The following CCNJL variants were observed in gnomAD, a reference collection of about 807,000 sequenced individuals.
CCNJL encodes cyclin J like, also known as cyclin-J-like protein.
Under a neutral mutation model 33.4 loss-of-function variants are expected in CCNJL, and 33 were observed. The ratio of observed to expected loss-of-function variants is 0.99; its 90% confidence interval spans 0.75 to 1.32. CCNJL has a LOEUF of 1.32. CCNJL is among the 40% of genes most tolerant of loss of function. The pLI is 0.00. For missense variants in CCNJL, 512 were observed against 499.7 expected (o/e 1.02, Z -0.23); for synonymous variants, 227 against 220.9 (o/e 1.03, Z -0.24).
intron 1 of CCNJL, among the ~76,000 whole-genome samples, chr5:160,321,086 CT>C (rs1561812948): frequency 6.1e-4 from 69 of 113,816 alleles, no homozygotes; most frequent in African/African-American, 1.6e-3. Context: ...TTCTTTCTTT[CT>C]TTCCTTCTCT....
intron 2 of CCNJL, among the ~76,000 whole-genome samples, chr5:160,299,974 A>C (rs1437728856): frequency 6.6e-6 from 1 of 152,042 alleles, no homozygotes; most frequent in Admixed American, 6.6e-5. Context: ...ATGCCATTGA[A>C]GTTCTCTCCA....
upstream of CCNJL, among the ~76,000 whole-genome samples, chr5:160,317,862 C>A (rs1763396154): frequency 6.6e-6 from 1 of 152,204 alleles, no homozygotes; most frequent in East Asian, 1.9e-4. Flanking sequence ...AGGAAAAATT[C>A]TTTTTTCCTC....
At chr5:160,312,997 C>A (rs1271880619), upstream of CCNJL, 1 of 151,690 alleles carries the variant, frequency 6.6e-6, no homozygotes, top group African/African-American at 2.4e-5. Flanking sequence ...CCCGCCCTGC[C>A]ATGGGGAGGT....
At chr5:160,311,131 C>T (rs928906057) in intron 2 of CCNJL, among the ~76,000 whole-genome samples, 1 of 152,146 alleles carries the variant, frequency 6.6e-6, no homozygotes, top group Admixed American at 6.5e-5. Context: ...TCCACCTTCC[C>T]AATGCCCCTC....
chr5:160,254,169 G>A (rs889663535), intron 5 of CCNJL: 1 of 483,180 alleles, frequency 2.1e-6, no homozygotes, highest in Non-Finnish European at 3.6e-6. Flanking sequence ...GCTCACCAAT[G>A]CCTTCCCATC....
rs553816630 is a variant in CCNJL at position 160,253,261 on chromosome 5, C to T, written c.*117G>A. Reference sequence around the variant, plus strand: ...ATTTAAAAGGAGCACAGACCCTCCACGTTCCAAGGCTCTTCAGGGATGGCC... The same window carrying T: ...ATTTAAAAGGAGCACAGACCCTCCATGTTCCAAGGCTCTTCAGGGATGGCC... On this transcript the variant is annotated 3_prime_UTR_variant, in exon 6 of 6. Coordinates refer to ENST00000257536, the MANE Select transcript of CCNJL (RefSeq NM_001308173.3). 1.1e-4 allele frequency: 103 copies of T among 966,362 alleles called. No homozygotes were observed. Among genetic ancestry groups the T allele is most frequent in the Non-Finnish European group, 1.3e-4 (90 of 667,518 alleles). The allele number at this position is 966,362 out of a possible 1,614,324, so 59.9% of individuals were successfully genotyped here.
At chr5:160,283,679 T>C (rs753267193) in intron 2 of CCNJL, among the ~76,000 whole-genome samples, 2 of 152,188 alleles carry the variant, frequency 1.3e-5, no homozygotes, top group African/African-American at 4.8e-5. Flanking sequence ...ATATTGATTA[T>C]ATTCACCCCG....
chr5:160,314,664 T>G (rs1054980413), upstream of CCNJL, among the ~76,000 whole-genome samples: 11 of 152,244 alleles, frequency 7.2e-5, no homozygotes, highest in Admixed American at 7.2e-4. Context: ...TGAGAAAATA[T>G]TTTTAACAAA....
At chr5:160,335,721 G>C (rs1763673053) in intron 1 of CCNJL, among the ~76,000 whole-genome samples, 1 of 150,816 alleles carries the variant, frequency 6.6e-6, no homozygotes, top group South Asian at 2.1e-4. Context: ...ATAGACAAAT[G>C]CCATCATGTC....
upstream of CCNJL, among the ~76,000 whole-genome samples, chr5:160,317,570 G>A (rs538257014): frequency 6.6e-6 from 1 of 152,258 alleles, no homozygotes; most frequent in African/African-American, 2.4e-5. Flanking sequence ...GTGGACCTGC[G>A]ATGCATGGAG....
chr5:160,253,377 C>T lies in CCNJL; in HGVS notation c.*1G>A, dbSNP rs1003780227. 1.9e-6 allele frequency: 3 copies of T among 1,569,900 alleles called. No individual in the cohort carries two copies. The highest frequency in any genetic ancestry group is 2.6e-6 in the Non-Finnish European group (3 of 1,154,542). ...GCTTCCTCGTGAGGTCTGGAGGTGG[C>T]CTATCTGTCAAAGCAGCCGGTGGGG... On this transcript the variant is annotated 3_prime_UTR_variant, in exon 6 of 6. Transcript: ENST00000257536.
intron 3 of CCNJL, among the ~76,000 whole-genome samples, chr5:160,278,095 T>C (rs758438469): frequency 5.9e-5 from 9 of 152,094 alleles, no homozygotes; most frequent in African/African-American, 1.2e-4. Flanking sequence ...TTAGTAGAGA[T>C]GGGGTTTCTC....
chr5:160,291,207 C>T (rs181962531), intron 2 of CCNJL, among the ~76,000 whole-genome samples: 4 of 152,086 alleles, frequency 2.6e-5, no homozygotes, highest in Middle Eastern at 3.4e-3. Context: ...ACGGAAGAAG[C>T]GGGTCAGTGT....
chr5:160,307,444 T>C (rs962955083), intron 2 of CCNJL, among the ~76,000 whole-genome samples: 4 of 152,184 alleles, frequency 2.6e-5, no homozygotes, highest in African/African-American at 9.6e-5. Context: ...CGTTCCATCA[T>C]GTGTAACCAG....
intron 3 of CCNJL, among the ~76,000 whole-genome samples, chr5:160,276,016 A>T (rs1761995581): frequency 1.3e-5 from 2 of 152,280 alleles, no homozygotes; most frequent in South Asian, 4.1e-4. Flanking sequence ...ACAACAGCCA[A>T]AAGGTGAAAA....
At chr5:160,261,627 T>A (rs1024328189) in intron 3 of CCNJL, among the ~76,000 whole-genome samples, 3 of 138,168 alleles carry the variant, frequency 2.2e-5, no homozygotes, top group Non-Finnish European at 4.7e-5. Context: ...CCCCCCATAC[T>A]CCCCCCAACA....
intron 2 of CCNJL, among the ~76,000 whole-genome samples, chr5:160,289,676 C>G (rs1172565958): frequency 2.6e-5 from 4 of 152,136 alleles, no homozygotes; most frequent in African/African-American, 9.7e-5. Flanking sequence ...GCCAAGGACT[C>G]ATGAATCACA....
chr5:160,314,596 T>C (rs1763357038), upstream of CCNJL, among the ~76,000 whole-genome samples: 1 of 152,188 alleles, frequency 6.6e-6, no homozygotes, highest in Non-Finnish European at 1.5e-5. Flanking sequence ...CAAATTTGAA[T>C]AAATATGCAG....
intron 3 of CCNJL, chr5:160,261,218 G>A (rs1397849767): frequency 6.6e-6 from 1 of 152,208 alleles, no homozygotes; most frequent in Non-Finnish European, 1.5e-5. Flanking sequence ...CGTCACTGCA[G>A]AATGAATCAA....
Sources: allele counts gnomAD v4.1 joint callset (sites outside exome capture counted in the v4.1 genomes callset), GRCh38; gene constraint gnomAD v4.1.1; transcripts MANE v1.5; gene names NCBI Gene and HGNC (gene_info 2026-07-23, HGNC 2026-07-21).